Variants in BRINP3 observed in about 807,000 individuals in gnomAD.
BRINP3 encodes BMP/retinoic acid-inducible neural-specific protein 3.
In BRINP3, 19 loss-of-function variants were observed where a neutral mutation model predicts 71.0. The observed-to-expected ratio is 0.27, with a 90% CI of 0.19 to 0.39. The LOEUF is 0.39. Ranked by LOEUF, BRINP3 falls within the 10% of genes least tolerant of loss-of-function variation. BRINP3 has a pLI of 1.00. For missense variants in BRINP3, 959 were observed against 940.8 expected, an observed-to-expected ratio of 1.02 and a Z score of -0.25; for synonymous variants, 380 against 337.7, an observed-to-expected ratio of 1.13 and a Z score of -1.37.
intron 7 of BRINP3, 115 bp downstream of exon 7, chr1:190,160,553 A>G: frequency 1.3e-6 from 1 of 754,716 alleles, no homozygotes; most frequent in Non-Finnish European, 2.1e-6. Context: ...AATTATCTCT[A>G]ATAGTATAAA....
At chr1:190,231,763 C>T (rs148216202) in intron 5 of BRINP3, among the ~76,000 whole-genome samples, 69 of 151,794 alleles carry the variant, frequency 4.5e-4, no homozygotes, top group Middle Eastern at 3.4e-3. Flanking sequence ...ATCAGCAAAA[C>T]GAGATCTCAA....
intron 2 of BRINP3, among the ~76,000 whole-genome samples, chr1:190,359,643 C>G (rs746767863): frequency 2.6e-5 from 4 of 152,062 alleles, no homozygotes; most frequent in Non-Finnish European, 5.9e-5. Flanking sequence ...CTCTGAACCT[C>G]AAACCTGTGG....
chr1:190,320,982 T>C (rs1476903311), intron 2 of BRINP3, among the ~76,000 whole-genome samples: 1 of 152,144 alleles, frequency 6.6e-6, no homozygotes, highest in Non-Finnish European at 1.5e-5. Flanking sequence ...CACACACGTA[T>C]GTATATGTCT....
intron 4 of BRINP3, among the ~76,000 whole-genome samples, chr1:190,260,034 A>T (rs1661037915): frequency 7.8e-6 from 1 of 127,898 alleles, no homozygotes; most frequent in South Asian, 2.7e-4. Flanking sequence ...TCTCAAAAGA[A>T]ATTGGAAAAA....
chr1:190,348,777 G>T (rs1042533877), intron 2 of BRINP3, among the ~76,000 whole-genome samples: 4 of 152,028 alleles, frequency 2.6e-5, no homozygotes, highest in Admixed American at 2.0e-4. Flanking sequence ...ATTTATTCAG[G>T]TATAGCAGAC....
chr1:190,361,630 T>C (rs929693702), intron 2 of BRINP3, among the ~76,000 whole-genome samples: 1 of 152,006 alleles, frequency 6.6e-6, no homozygotes, highest in Admixed American at 6.6e-5. Flanking sequence ...TCTCAATCTC[T>C]TGACCTCGTG....
At chr1:190,237,686 A>G (rs951324518) in intron 4 of BRINP3, among the ~76,000 whole-genome samples, 83 of 151,986 alleles carry the variant, frequency 5.5e-4, no homozygotes, top group African/African-American at 1.8e-3. Flanking sequence ...CAGCACACAA[A>G]TATCATGGCC....
chr1:190,411,052 T>C (rs1359176545), intron 2 of BRINP3, among the ~76,000 whole-genome samples: 1 of 152,096 alleles, frequency 6.6e-6, no homozygotes, highest in Non-Finnish European at 1.5e-5. Flanking sequence ...CCTTACCACA[T>C]ACCCAGACTC....
intron 2 of BRINP3, among the ~76,000 whole-genome samples, chr1:190,397,782 C>T (rs1281836034): frequency 6.6e-6 from 1 of 151,578 alleles, no homozygotes; most frequent in African/African-American, 2.4e-5. Flanking sequence ...TAAAAATCTC[C>T]TTACAATTTA....
intron 4 of BRINP3, among the ~76,000 whole-genome samples, chr1:190,238,106 CCT>C (rs1452418852): frequency 6.6e-6 from 1 of 151,904 alleles, no homozygotes; most frequent in East Asian, 1.9e-4. Context: ...ACATTTTGCC[CCT>C]GTTTACCTTA....
chr1:190,238,200 T>G (rs2102755943), intron 4 of BRINP3, among the ~76,000 whole-genome samples: 1 of 152,152 alleles, frequency 6.6e-6, no homozygotes, highest in African/African-American at 2.4e-5. Context: ...TTCAAAAAAC[T>G]TTGGGTTGAG....
chr1:190,109,353 G>A (rs1014141289), intron 7 of BRINP3, among the ~76,000 whole-genome samples: 1 of 152,156 alleles, frequency 6.6e-6, no homozygotes, highest in Non-Finnish European at 1.5e-5. Flanking sequence ...ATTAACAAAA[G>A]TCATTCTGGA....
At chr1:190,124,501 C>T (rs1653932825) in intron 7 of BRINP3, among the ~76,000 whole-genome samples, 1 of 152,042 alleles carries the variant, frequency 6.6e-6, no homozygotes, top group Admixed American at 6.6e-5. Context: ...AAGAGTCCAG[C>T]ACAATGTACA....
At chr1:190,322,359 C>T (rs907790472) in intron 2 of BRINP3, among the ~76,000 whole-genome samples, 1 of 152,030 alleles carries the variant, frequency 6.6e-6, no homozygotes, top group African/African-American at 2.4e-5. Context: ...TTGCTTTGCT[C>T]TCAGTTTTGC....
intron 7 of BRINP3, among the ~76,000 whole-genome samples, chr1:190,135,803 A>G (rs1280518299): frequency 6.6e-6 from 1 of 152,062 alleles, no homozygotes; most frequent in Admixed American, 6.6e-5. Context: ...CAGGTTGCCT[A>G]CAACATACGT....
intron 2 of BRINP3, among the ~76,000 whole-genome samples, chr1:190,375,757 C>T (rs1670145115): frequency 2.6e-5 from 4 of 151,796 alleles, no homozygotes; most frequent in Admixed American, 2.6e-4. Flanking sequence ...CTTTTATTCT[C>T]GTAATAATGA....
At chr1:190,351,309 C>T (rs1668370431) in intron 2 of BRINP3, among the ~76,000 whole-genome samples, 1 of 152,024 alleles carries the variant, frequency 6.6e-6, no homozygotes. Flanking sequence ...GTAATTTATA[C>T]TAGAAAGATT....
chr1:190,278,152 A>G (rs1426851619), intron 3 of BRINP3, among the ~76,000 whole-genome samples: 1 of 151,716 alleles, frequency 6.6e-6, no homozygotes, highest in Admixed American at 6.6e-5. Context: ...TGACTGTAAA[A>G]CTGATAGTGA....
chr1:190,196,406 A>G (rs888543536), intron 6 of BRINP3, among the ~76,000 whole-genome samples: 1 of 152,138 alleles, frequency 6.6e-6, no homozygotes, highest in African/African-American at 2.4e-5. Context: ...GACATTTCAA[A>G]TGTGCTTTGA....
Sources: gnomAD v4.1 joint callset for allele counts (sites outside exome capture counted in the v4.1 genomes callset) on GRCh38, gnomAD v4.1.1 for gene constraint, MANE v1.5 for transcripts, NCBI Gene and HGNC (gene_info 2026-07-23, HGNC 2026-07-21) for gene names.